YWHAE: variants seen among roughly 807,000 people sequenced by gnomAD.
The protein encoded by YWHAE is tyrosine 3-monooxygenase/tryptophan 5-monooxygenase activation protein epsilon, also known as 14-3-3 protein epsilon.
Under a neutral mutation model 30.1 loss-of-function variants are expected in YWHAE, and 4 were observed. That is an observed-to-expected ratio of 0.13 (90% CI 0.07 to 0.30). The LOEUF (loss-of-function observed/expected upper bound fraction) is 0.30. Among genes scored for constraint, YWHAE ranks in the 10% least tolerant of loss-of-function variants. The pLI, the probability that YWHAE is intolerant of heterozygous loss-of-function variation, is 1.00. For synonymous variants in YWHAE, 118 were observed against 111.8 expected, an observed-to-expected ratio of 1.06 and a Z score of -0.35; for missense variants, 121 against 315.9, an observed-to-expected ratio of 0.38 and a Z score of 4.68.
intron 1 of YWHAE, among the ~76,000 whole-genome samples, chr17:1,398,022 C>T (rs144073127): frequency 5.3e-5 from 8 of 152,304 alleles, no homozygotes; most frequent in Non-Finnish European, 1.0e-4. Context: ...CTAACCTGTA[C>T]TTTATTTGGA....
At chr17:1,393,018 ACATGGTGAAACCCCATCT>A (rs1484506948) in intron 1 of YWHAE, among the ~76,000 whole-genome samples, 1 of 152,046 alleles carries the variant, frequency 6.6e-6, no homozygotes, top group African/African-American at 2.4e-5. Flanking sequence ...AGCCTGGGCA[ACATGGTGAAACCCCATCT>A]CTACTAAAAC....
At chr17:1,355,755 C>T (rs1440437760) in intron 4 of YWHAE, among the ~76,000 whole-genome samples, 1 of 152,158 alleles carries the variant, frequency 6.6e-6, no homozygotes, top group Non-Finnish European at 1.5e-5. Context: ...AAGGAGGAGG[C>T]TGGCTGTGGT....
intron 1 of YWHAE, among the ~76,000 whole-genome samples, chr17:1,376,679 G>A (rs1164345118): frequency 6.6e-6 from 1 of 152,142 alleles, no homozygotes; most frequent in East Asian, 1.9e-4. Context: ...GTCCTTGCCA[G>A]GTAGTAAAAC....
chr17:1,359,936 G>GGGGGGAGA (rs1567962563), intron 4 of YWHAE, among the ~76,000 whole-genome samples: 1 of 47,784 alleles, frequency 2.1e-5, no homozygotes, highest in African/African-American at 1.1e-4. Context: ...AGGGGGGGAG[G>GGGGGGAGA]AGGGGGAGGG....
In YWHAE at chr17:1,370,763, G is replaced by A. The variant is rs572150154; in HGVS notation, c.65-5705C>T. Among the ~76,000 whole-genome samples the A allele has an allele frequency of 4.1e-4, 63 of 152,126 alleles. 1 individual carries two copies. The highest frequency in any genetic ancestry group is 3.4e-3 in the Middle Eastern group (1 of 294). ...AGTAATCCCAGCACTTTGGGAGGCC[G>A]AGGTGGGCAGATCACGAGGTCAGGA... On this transcript the variant is annotated intron_variant, in intron 1 of 5. Transcript: ENST00000264335.
intron 1 of YWHAE, among the ~76,000 whole-genome samples, chr17:1,383,551 G>GC (rs1256001458): frequency 8.6e-6 from 1 of 115,624 alleles, no homozygotes; most frequent in East Asian, 2.3e-4. Context: ...ACCACGCCCG[G>GC]CAAGTTTTTG....
intron 1 of YWHAE, chr17:1,398,825 G>C (rs1264544420): frequency 6.6e-6 from 1 of 152,170 alleles, no homozygotes; most frequent in Non-Finnish European, 1.5e-5. Flanking sequence ...AAAAGGACTG[G>C]AGAACCCATT....
Position 1,355,105 on chromosome 17 carries a change from C to T in YWHAE, c.579-758G>A, listed in dbSNP as rs546982991. Among the ~76,000 whole-genome samples the T allele has an allele frequency of 1.6e-4, 9 of 57,256 alleles. 1 individual carries two copies. The highest frequency in any genetic ancestry group is 4.7e-4 in the African/African-American group (9 of 19,170). The allele number at this position is 57,256 out of a possible 152,430, so 37.6% of individuals were successfully genotyped here. The stretch of plus-strand genomic sequence containing the variant: ...GGACAAACGGTACACACTACCACCC[C>T]CAAGATTTTTTAAAAAAAAAAAAAA... On this transcript the variant is annotated intron_variant, in intron 4 of 5. Coordinates refer to ENST00000264335, the MANE Select transcript of YWHAE (RefSeq NM_006761.5).
intron 4 of YWHAE, among the ~76,000 whole-genome samples, chr17:1,357,342 G>A (rs1016742038): frequency 2.0e-4 from 28 of 140,294 alleles, no homozygotes; most frequent in Admixed American, 5.2e-4. Context: ...GGCAGAGCTT[G>A]CAGTGAGCCG....
chr17:1,354,589 A>C (rs2072696347), intron 4 of YWHAE, among the ~76,000 whole-genome samples: 1 of 152,234 alleles, frequency 6.6e-6, no homozygotes, highest in South Asian at 2.1e-4. Flanking sequence ...AATACATAGA[A>C]CAACTTCCAT....
At chr17:1,385,990 G>C (rs531441568) in intron 1 of YWHAE, among the ~76,000 whole-genome samples, 1 of 152,282 alleles carries the variant, frequency 6.6e-6, no homozygotes, top group East Asian at 1.9e-4. Flanking sequence ...TCCTTCCGAA[G>C]TGGAAGGAGT....
chr17:1,370,219 C>T (rs991983014), intron 1 of YWHAE, among the ~76,000 whole-genome samples: 7 of 149,180 alleles, frequency 4.7e-5, no homozygotes, highest in African/African-American at 1.7e-4. Flanking sequence ...CTCCGCCTCC[C>T]AGGTTCACGC....
chr17:1,364,708 C>T (rs2072917580), intron 2 of YWHAE, 151 bp downstream of exon 2: 2 of 996,126 alleles, frequency 2.0e-6, no homozygotes, highest in Admixed American at 2.5e-5. Context: ...AACTTATAAA[C>T]CAGGCACAAA....
intron 1 of YWHAE, chr17:1,399,688 G>A (rs569543314): frequency 9.5e-5 from 42 of 441,028 alleles, no homozygotes; most frequent in African/African-American, 8.3e-4. Flanking sequence ...TCCCAAGGCC[G>A]TCCCAGAAGC....
chr17:1,355,196 A>C (rs1438073700), intron 4 of YWHAE, among the ~76,000 whole-genome samples: 1 of 98,274 alleles, frequency 1.0e-5, no homozygotes, highest in African/African-American at 4.2e-5. Context: ...TCGCTCTATC[A>C]CCCAGGCTGG....
intron 1 of YWHAE, chr17:1,369,836 TAA>T (rs2073003842): frequency 6.6e-6 from 1 of 151,874 alleles, no homozygotes; most frequent in Admixed American, 6.6e-5. Flanking sequence ...TGTAATCTAT[TAA>T]GTGTACAACA....
At chr17:1,399,937 C>G in intron 1 of YWHAE, 110 bp downstream of exon 1, 10 of 1,392,508 alleles carry the variant, frequency 7.2e-6, no homozygotes, top group Non-Finnish European at 1.0e-5. Flanking sequence ...AACCCAAGCC[C>G]CCGGGCCAGG....
intron 1 of YWHAE, among the ~76,000 whole-genome samples, chr17:1,376,119 C>G (rs1349530002): frequency 6.6e-6 from 1 of 152,226 alleles, no homozygotes; most frequent in Non-Finnish European, 1.5e-5. Flanking sequence ...CTCAGGGAAT[C>G]TGACTTGAGT....
intron 1 of YWHAE, among the ~76,000 whole-genome samples, chr17:1,378,551 G>C (rs951377118): frequency 3.3e-5 from 5 of 152,160 alleles, no homozygotes; most frequent in African/African-American, 1.2e-4. Flanking sequence ...CTATCACACT[G>C]ACAAATAATC....
Sources: gnomAD v4.1 joint callset for allele counts (sites outside exome capture counted in the v4.1 genomes callset) on GRCh38, gnomAD v4.1.1 for gene constraint, MANE v1.5 for transcripts, NCBI Gene and HGNC (gene_info 2026-07-23, HGNC 2026-07-21) for gene names.